The following DRAM2 variants were observed in gnomAD, a reference collection of about 807,000 sequenced individuals.
DRAM2 encodes DNA damage-regulated autophagy modulator protein 2.
A neutral mutation model predicts 33.5 loss-of-function variants in DRAM2; 26 were observed. That is an observed-to-expected ratio of 0.78 (90% CI 0.57 to 1.08). The LOEUF (loss-of-function observed/expected upper bound fraction) is 1.08, where lower values mean the gene tolerates loss of function less well. Ranked by LOEUF, DRAM2 falls within the 50% of genes least tolerant of loss-of-function variation. The pLI is 0.00. For synonymous variants in DRAM2, 98 were observed against 109.5 expected (o/e 0.89, Z 0.66); for missense variants, 311 against 318.1 (o/e 0.98, Z 0.17).
chr1:111,132,115 C>T lies in DRAM2; in HGVS notation c.-14-547G>A, dbSNP rs566243211. Among the ~76,000 whole-genome samples, 9 of 152,262 alleles carry T rather than the reference C, an allele frequency of 5.9e-5. No individual in the cohort carries two copies. In the East Asian group the frequency reaches 1.5e-3, roughly 26 times the overall value. ...ACCAAGGCATAATTAGAGGGTTGGA[C>T]GTTCAGTCCTCCATCCCCAATTCCA... On this transcript the variant is annotated intron_variant, in intron 3 of 9. Coordinates refer to ENST00000484310, the MANE Select transcript of DRAM2 (RefSeq NM_001349884.2).
intron 4 of DRAM2, among the ~76,000 whole-genome samples, chr1:111,127,735 T>C (rs1229068303): frequency 1.3e-5 from 2 of 152,180 alleles, no homozygotes; most frequent in Non-Finnish European, 2.9e-5. Context: ...TCCAAGATGG[T>C]TGGCTAAGAG....
intron 4 of DRAM2, 26 bp from the exon 5 acceptor site, chr1:111,126,320 GGA>G: frequency 1.4e-6 from 2 of 1,451,522 alleles, no homozygotes; most frequent in South Asian, 1.2e-5. Context: ...GAAGGTATGT[GGA>G]TTTCTCATAC....
chr1:111,138,735 G>T (rs1292434763), intron 2 of DRAM2, among the ~76,000 whole-genome samples: 1 of 152,130 alleles, frequency 6.6e-6, no homozygotes, highest in Admixed American at 6.5e-5. Flanking sequence ...AGAGAGCCAA[G>T]GTCGTGCCAC....
At chr1:111,124,557 A>C (rs1043767051) in intron 6 of DRAM2, among the ~76,000 whole-genome samples, 185 bp downstream of exon 6, 1 of 152,238 alleles carries the variant, frequency 6.6e-6, no homozygotes, top group African/African-American at 2.4e-5. Context: ...AGACTTTTAA[A>C]TATGAATTTT....
At chr1:111,135,844 T>C (rs1354641121) in intron 3 of DRAM2, among the ~76,000 whole-genome samples, 1 of 152,210 alleles carries the variant, frequency 6.6e-6, no homozygotes, top group African/African-American at 2.4e-5. Context: ...ACCTTACCCA[T>C]AGTAATCACT....
chr1:111,131,012 CA>C (rs577061352), intron 4 of DRAM2, among the ~76,000 whole-genome samples: 196 of 136,724 alleles, frequency 1.4e-3, no homozygotes, highest in African/African-American at 2.6e-3. Context: ...ACTCCATCTC[CA>C]AAAAAAAAAA....
intron 6 of DRAM2, among the ~76,000 whole-genome samples, chr1:111,121,376 G>C (rs1450482124): frequency 6.6e-6 from 1 of 152,016 alleles, no homozygotes; most frequent in Non-Finnish European, 1.5e-5. Flanking sequence ...TCCAATAAGA[G>C]AATCAACCCT....
intron 3 of DRAM2, among the ~76,000 whole-genome samples, chr1:111,133,702 C>G (rs539066290): frequency 6.6e-6 from 1 of 152,196 alleles, no homozygotes; most frequent in Non-Finnish European, 1.5e-5. Context: ...GGTGGAGATA[C>G]GATTCAAACT....
At chr1:111,135,471 G>A (rs1652972665) in intron 3 of DRAM2, among the ~76,000 whole-genome samples, 1 of 152,134 alleles carries the variant, frequency 6.6e-6, no homozygotes, top group Admixed American at 6.5e-5. Context: ...TTTAGCCCTG[G>A]AGATTTCCCT....
intron 3 of DRAM2, among the ~76,000 whole-genome samples, chr1:111,135,253 C>T (rs1652934853): frequency 1.3e-5 from 2 of 152,214 alleles, no homozygotes; most frequent in African/African-American, 4.8e-5. Flanking sequence ...TTTACCTCAA[C>T]TACCATGGAA....
chr1:111,126,864 A>G (rs374949367), intron 4 of DRAM2, among the ~76,000 whole-genome samples: 1 of 152,076 alleles, frequency 6.6e-6, no homozygotes. Flanking sequence ...CCTCTCTATA[A>G]CCTTGGATAA....
At position 111,126,337 on chromosome 1, in the gene DRAM2, T is replaced by A. The variant is rs200308005; in HGVS notation, c.132-43A>T. 3.7e-4 allele frequency: 412 copies of A among 1,112,188 alleles called. 3 individuals are homozygous for A. In the East Asian group the frequency reaches 9.7e-3, roughly 26 times the overall value. The allele number at this position is 1,112,188 out of a possible 1,614,324, so 68.9% of individuals were successfully genotyped here. Reference sequence around the variant, plus strand: ...AGGTATGTGGATTTCTCATACTAGATAAACACATATATTTCTTCTAAGGGA... The same window carrying A: ...AGGTATGTGGATTTCTCATACTAGAAAAACACATATATTTCTTCTAAGGGA... On this transcript the variant is annotated intron_variant, in intron 4 of 9. Transcript: ENST00000484310.
chr1:111,127,053 T>G (rs76686988), intron 4 of DRAM2, among the ~76,000 whole-genome samples: 1,692 of 152,278 alleles, frequency 0.011, 32 homozygotes, highest in African/African-American at 0.037. Flanking sequence ...CATCCTTTTA[T>G]CTCCCTAAAA....
At chr1:111,135,010 T>C (rs1200877767) in intron 3 of DRAM2, among the ~76,000 whole-genome samples, 1 of 152,210 alleles carries the variant, frequency 6.6e-6, no homozygotes, top group African/African-American at 2.4e-5. Flanking sequence ...TCAGGTGGTA[T>C]CTTTATTCCC....
intron 4 of DRAM2, among the ~76,000 whole-genome samples, chr1:111,128,556 T>C (rs952608522): frequency 1.3e-5 from 2 of 152,188 alleles, no homozygotes; most frequent in African/African-American, 4.8e-5. Context: ...TAACAAAACC[T>C]GGGGATGCCC....
At chr1:111,119,646 T>A in intron 8 of DRAM2, 1 of 476,662 alleles carries the variant, frequency 2.1e-6, no homozygotes, top group African/African-American at 2.0e-5. Context: ...AGAAAACTCT[T>A]CTGCCATCGC....
At position 111,118,796 on chromosome 1, in the gene DRAM2, C is replaced by A; in HGVS notation, c.693+9G>T. On this transcript the variant is annotated intron_variant, in intron 9 of 9. Coordinates refer to ENST00000484310, the MANE Select transcript of DRAM2 (RefSeq NM_001349884.2). ...CTGACTGAATAAATCTAATATTGTG[C>A]CTTCTTACCTGAAAATCACGAATGT... 1.9e-6 allele frequency: 3 copies of A among 1,592,626 alleles called. No individual in the cohort carries two copies. The highest frequency in any genetic ancestry group is 2.6e-6 in the Non-Finnish European group (3 of 1,165,430).
intron 4 of DRAM2, among the ~76,000 whole-genome samples, chr1:111,130,879 C>T (rs192920071): frequency 9.3e-5 from 14 of 151,246 alleles, no homozygotes; most frequent in Non-Finnish European, 1.5e-4. Flanking sequence ...TAGTGATGCA[C>T]GCCTGTAATC....
In DRAM2 at chr1:111,140,077, C is replaced by T. The variant is rs1003107354; in HGVS notation, c.-284G>A. 2 of 152,428 alleles carry T rather than the reference C, an allele frequency of 1.3e-5. No individual in the cohort carries two copies. Among genetic ancestry groups the T allele is most frequent in the African/African-American group, 4.8e-5 (2 of 41,444 alleles). 9.4% of individuals were successfully genotyped at this position (152,428 alleles called of 1,614,324 possible). A position where few individuals can be genotyped will look rare whatever the true frequency, so the allele number is the denominator to read the frequency against. On this transcript the variant is annotated 5_prime_UTR_variant, in exon 1 of 10. Transcript: ENST00000484310. ...TAGCGCTGGCCGCTGGCGCCGAAGC[C>T]CCTATGCTAAAAGGAGACAGGGCTG... is the stretch of plus-strand genomic sequence containing the variant.
Sources: gnomAD v4.1 joint callset for allele counts (sites outside exome capture counted in the v4.1 genomes callset) on GRCh38, gnomAD v4.1.1 for gene constraint, MANE v1.5 for transcripts, NCBI Gene and HGNC (gene_info 2026-07-23, HGNC 2026-07-21) for gene names.